The following ULK1 variants were observed in gnomAD, a reference collection of about 807,000 sequenced individuals.
ULK1 encodes serine/threonine-protein kinase ULK1.
A neutral mutation model predicts 117.5 loss-of-function variants in ULK1; 48 were observed. The ratio of observed to expected loss-of-function variants is 0.41; its 90% CI spans 0.32 to 0.52. ULK1 has a LOEUF of 0.52. Ranked by LOEUF, ULK1 falls within the 20% of genes least tolerant of loss-of-function variation. ULK1 has a pLI of 0.29. For synonymous variants in ULK1, 790 were observed against 637.8 expected (o/e 1.24, Z -3.60); for missense variants, 1,387 against 1,473.4 (o/e 0.94, Z 0.96).
intron 8 of ULK1, among the ~76,000 whole-genome samples, 180 bp downstream of exon 8, chr12:131,909,417 G>T (rs1376472904): frequency 6.6e-6 from 1 of 152,184 alleles, no homozygotes; most frequent in African/African-American, 2.4e-5. Flanking sequence ...CAGGGAGGGC[G>T]GCGCCGCCGG....
intron 16 of ULK1, 111 bp downstream of exon 16, chr12:131,914,588 G>A: frequency 7.3e-7 from 1 of 1,371,394 alleles, no homozygotes; most frequent in Non-Finnish European, 9.7e-7. Flanking sequence ...AGTTGTGCAG[G>A]CTGCGCACTG....
intron 3 of ULK1, chr12:131,906,466 C>G (rs201782838): frequency 1.2e-5 from 2 of 171,740 alleles, no homozygotes; most frequent in East Asian, 3.5e-4. Flanking sequence ...TTGTGATCCA[C>G]CCACCTTGGC....
rs1167544969 is a variant in ULK1 at position 131,923,002 on chromosome 12, C to T, written c.*1641C>T. The T allele has an allele frequency of 1.3e-5, 2 of 152,286 alleles. No individual in the cohort carries two copies. The highest frequency in any genetic ancestry group is 4.8e-5 in the African/African-American group (2 of 41,462). The allele number at this position is 152,286 out of a possible 1,614,324, so 9.4% of individuals were successfully genotyped here. On this transcript the variant is annotated 3_prime_UTR_variant, in exon 28 of 28. Coordinates refer to ENST00000321867, the MANE Select transcript of ULK1 (RefSeq NM_003565.4). The stretch of plus-strand genomic sequence containing the variant: ...CGCATGTGCGTGTGTCCAAGCAGGT[C>T]CTGGGCGCCTCAACTGCTGCCCCTG...
Position 131,914,383 on chromosome 12 carries a change from G to A in ULK1, c.1279G>A (p.Gly427Ser), listed in dbSNP as rs746592413. Residue 427 changes from glycine (G) to serine (S), a missense_variant, in exon 16 of 28, where the codon GGC becomes AGC. Physicochemically the swap from Gly to Ser is moderately conservative, Grantham distance 56 (BLOSUM62 0). Transcript: ENST00000321867. ...TGGCCCGTTCTCCAGCAGCAGGTGC[G>A]GCGCCTCTGTCCCCATCCCAGTCCC... ...RAGPFSSSRC[G>S]ASVPIPVPTQ... The A allele has an allele frequency of 6.2e-6, 10 of 1,612,234 alleles. No homozygotes were observed. The East Asian group carries it at 8.9e-5, about 14-fold the overall frequency.
intron 1 of ULK1, 147 bp downstream of exon 1, chr12:131,895,259 C>T: frequency 1.6e-6 from 1 of 626,314 alleles, no homozygotes; most frequent in South Asian, 2.0e-5. Context: ...CCCCAGGATC[C>T]CCACCCCGCG....
At chr12:131,908,289 T>G (rs1410654517) in intron 5 of ULK1, among the ~76,000 whole-genome samples, 1 of 151,878 alleles carries the variant, frequency 6.6e-6, no homozygotes, top group African/African-American at 2.4e-5. Context: ...GCGGGTCGGG[T>G]CGGGCTGTGC....
chr12:131,921,954 A>G lies in ULK1; in HGVS notation c.*593A>G. The stretch of plus-strand genomic sequence containing the variant: ...TGCAGACACATGCCAGGGCCCCCCA[A>G]GCCCGAGCACCGGACCACGTTGCTG... On this transcript the variant is annotated 3_prime_UTR_variant, in exon 28 of 28. Transcript: ENST00000321867. 6.6e-6 allele frequency: 3 copies of G among 456,314 alleles called. No homozygotes were observed. Among genetic ancestry groups the G allele is most frequent in the Non-Finnish European group, 8.8e-6 (2 of 226,816 alleles). The allele number at this position is 456,314 out of a possible 1,614,324, so 28.3% of individuals were successfully genotyped here. A position where few individuals can be genotyped will look rare whatever the true frequency, so the allele number is the denominator to read the frequency against.
rs984619884 is a variant in ULK1 at position 131,913,205 on chromosome 12, G to A, written c.1104G>A (p.Leu368=). 3 of 1,585,004 alleles carry A rather than the reference G, an allele frequency of 1.9e-6. No homozygotes were observed. The highest frequency in any genetic ancestry group is 3.5e-5 in the Admixed American group (2 of 56,386). Residue 368 remains leucine, a synonymous_variant, in exon 14 of 28, where the codon CTG becomes CTA. Coordinates refer to ENST00000321867, the MANE Select transcript of ULK1 (RefSeq NM_003565.4). ...CCTTGTCTCCCCCTGCAGGTGACCTGGTGGCTGAGGCGCCCAGTGCCAAAC... is the reference window on the plus strand; with the variant it reads ...CCTTGTCTCCCCCTGCAGGTGACCTAGTGGCTGAGGCGCCCAGTGCCAAAC... The part of the protein sequence containing the change: ...VMVPAQFPGD[L]VAEAPSAKPP...
chr12:131,923,011 C>T lies in ULK1; in HGVS notation c.*1650C>T, dbSNP rs1007742078. 1 of 152,290 alleles carries T rather than the reference C, an allele frequency of 6.6e-6. No homozygotes were observed. Among genetic ancestry groups the T allele is most frequent in the African/African-American group, 2.4e-5 (1 of 41,472 alleles). The allele number at this position is 152,290 out of a possible 1,614,324, so 9.4% of individuals were successfully genotyped here. On this transcript the variant is annotated 3_prime_UTR_variant, in exon 28 of 28. Transcript: ENST00000321867. ...GTGTGTCCAAGCAGGTCCTGGGCGC[C>T]TCAACTGCTGCCCCTGGTTGAATGT...
At chr12:131,909,672 A>T in intron 8 of ULK1, 103 bp from the exon 9 acceptor site, 2 of 1,247,648 alleles carry the variant, frequency 1.6e-6, no homozygotes, top group Non-Finnish European at 2.2e-6. Context: ...CGGGCTTCGC[A>T]GCGTCTGGGG....
chr12:131,916,714 C>T, intron 20 of ULK1, 123 bp downstream of exon 20: 1 of 1,280,782 alleles, frequency 7.8e-7, no homozygotes, highest in Non-Finnish European at 1.0e-6. Flanking sequence ...TCTGTGGGTG[C>T]CCAGTGTGGC....
intron 13 of ULK1, among the ~76,000 whole-genome samples, 188 bp from the exon 14 acceptor site, chr12:131,913,010 C>A (rs1889608243): frequency 1.3e-5 from 2 of 152,228 alleles, no homozygotes; most frequent in African/African-American, 4.8e-5. Flanking sequence ...CGGAGCTGGC[C>A]TGGGGCTGGC....
Position 131,917,117 on chromosome 12 carries a change from A to G in ULK1, c.2182+55A>G, listed in dbSNP as rs1201625301. 8 of 665,404 alleles carry G rather than the reference A, an allele frequency of 1.2e-5. No individual in the cohort carries two copies. In the African/African-American group the frequency reaches 2.5e-4, roughly 21 times the overall value. 41.2% of individuals were successfully genotyped at this position (665,404 alleles called of 1,614,324 possible). On this transcript the variant is annotated intron_variant, in intron 21 of 27. Transcript: ENST00000321867. The stretch of plus-strand genomic sequence containing the variant: ...TGGGATGGGGGTCGGAGGCTGTGGG[A>G]TGGGGGTCGGAGGCTGTGGGATGGG...
chr12:131,920,670 G>A (rs1410872266), intron 26 of ULK1: 3 of 199,440 alleles, frequency 1.5e-5, no homozygotes, highest in Non-Finnish European at 3.1e-5. Flanking sequence ...TCTTGCCTCA[G>A]CTTCCCAAGA....
chr12:131,917,632 T>C, intron 22 of ULK1, 78 bp downstream of exon 22: 2 of 1,277,896 alleles, frequency 1.6e-6, no homozygotes, highest in Non-Finnish European at 1.0e-6. Flanking sequence ...ATCCTTTAAC[T>C]CGGGTCACTG....
chr12:131,908,874 G>C lies in ULK1; in HGVS notation c.491-24G>C, dbSNP rs776121172. The C allele has an allele frequency of 6.8e-6, 11 of 1,608,580 alleles. No individual in the cohort carries two copies. In the East Asian group the frequency reaches 2.0e-4, roughly 29 times the overall value. ...GGGGAGGGGCTCCGGGGCCGGCGCCGGTCCTGACGCTTCTCTCCCGCAGCT... is the reference window on the plus strand; with the variant it reads ...GGGGAGGGGCTCCGGGGCCGGCGCCCGTCCTGACGCTTCTCTCCCGCAGCT... On this transcript the variant is annotated intron_variant, in intron 6 of 27. Coordinates refer to ENST00000321867, the MANE Select transcript of ULK1 (RefSeq NM_003565.4).
Position 131,920,017 on chromosome 12 carries a change from G to T in ULK1, c.2842G>T (p.Val948Leu). Residue 948 changes from valine to leucine, a missense_variant, in exon 26 of 28, where the codon GTG becomes TTG. Transcript: ENST00000321867. ...RLNELYKASV[V>L]SCQGLSLRLQ... Reference sequence around the variant, plus strand: ...GAATGAGCTGTACAAGGCCAGCGTGGTGTCCTGCCAGGGCCTGAGCCTGCG... The same window carrying T: ...GAATGAGCTGTACAAGGCCAGCGTGTTGTCCTGCCAGGGCCTGAGCCTGCG... 1.9e-6 allele frequency: 3 copies of T among 1,612,862 alleles called. No homozygotes were observed. Among genetic ancestry groups the T allele is most frequent in the Non-Finnish European group, 2.5e-6 (3 of 1,179,966 alleles).
intron 26 of ULK1, 134 bp downstream of exon 26, chr12:131,920,270 C>A: frequency 8.4e-7 from 1 of 1,186,800 alleles, no homozygotes; most frequent in African/African-American, 1.5e-5. Flanking sequence ...CTTGAAATGA[C>A]AGCATTATGC....
chr12:131,919,508 C>G lies in ULK1; in HGVS notation c.2721C>G (p.Ala907=), dbSNP rs541183590. The G allele has an allele frequency of 1.2e-6, 2 of 1,612,058 alleles. No individual in the cohort carries two copies. Among genetic ancestry groups the G allele is most frequent in the Non-Finnish European group, 1.7e-6 (2 of 1,179,554 alleles). Residue 907 remains alanine (A), a synonymous_variant, in exon 25 of 28, where the codon GCC becomes GCG. Transcript: ENST00000321867. ...AEQLVLYLKV[A]ELLSSGLQSA... is the part of the protein sequence containing the mutation. The stretch of plus-strand genomic sequence containing the variant: ...AGCTGGTGCTGTACCTGAAGGTGGC[C>G]GAGCTACTGTCCTCCGGCCTGCAAA...
Sources: gnomAD v4.1 joint callset for allele counts (sites outside exome capture counted in the v4.1 genomes callset) on GRCh38, gnomAD v4.1.1 for gene constraint, MANE v1.5 for transcripts, NCBI Gene and HGNC (gene_info 2026-07-23, HGNC 2026-07-21) for gene names.